The following SMTN variants were observed in gnomAD, a reference collection of about 807,000 sequenced individuals.
SMTN encodes the protein smoothelin.
Under a neutral mutation model 102.0 loss-of-function variants are expected in SMTN, and 58 were observed. That is an observed-to-expected ratio of 0.57 (90% CI 0.46 to 0.71). The LOEUF (loss-of-function observed/expected upper bound fraction) is 0.71, where lower values mean the gene tolerates loss of function less well. Ranked by LOEUF, SMTN falls within the 30% of genes least tolerant of loss-of-function variation. The pLI is 0.00. For synonymous variants in SMTN, 478 were observed against 497.9 expected, an observed-to-expected ratio of 0.96 and a Z score of 0.53; for missense variants, 1,185 against 1,241.7, an observed-to-expected ratio of 0.95 and a Z score of 0.69.
chr22:31,078,080 G>A (rs1219286447), upstream of SMTN, among the ~76,000 whole-genome samples: 1 of 152,230 alleles, frequency 6.6e-6, no homozygotes, highest in Non-Finnish European at 1.5e-5. Flanking sequence ...CCCGTCTCCA[G>A]AATGACAGTG....
rs990112172 is a variant in SMTN, at chr22:31,074,808, AAAC to A, written c.-385-5621_-385-5619del. 8.5e-3 allele frequency among the ~76,000 whole-genome samples: 820 copies of A among 97,004 alleles called. 9 individuals are homozygous for A. Among genetic ancestry groups the A allele is most frequent in the African/African-American group, 0.046 (787 of 17,060 alleles). 63.6% of individuals were successfully genotyped at this position (97,004 alleles called of 152,430 possible). ...GTGAAACTGTCTCAAAAAACAACAA[AAAC>A]AACAACAACAACAACAACAAAACAC... On this transcript the variant is annotated intron_variant, in intron 1 of 3. Coordinates refer to the SMTN transcript ENST00000422839.
chr22:31,073,472 C>T (rs888306785), intron 1 of SMTN, among the ~76,000 whole-genome samples: 1 of 152,146 alleles, frequency 6.6e-6, no homozygotes, highest in Non-Finnish European at 1.5e-5. Context: ...GGATGTGCCT[C>T]CTTTGATTTT....
At chr22:31,087,908 G>C in intron 2 of SMTN, 57 bp from the exon 3 acceptor site, 1 of 1,516,740 alleles carries the variant, frequency 6.6e-7, no homozygotes, top group Non-Finnish European at 8.9e-7. Flanking sequence ...GTGGGCAGCT[G>C]GTGCCAGCCC....
At chr22:31,090,269 T>C in intron 8 of SMTN, 89 bp downstream of exon 8, 1 of 1,089,174 alleles carries the variant, frequency 9.2e-7, no homozygotes, top group South Asian at 1.5e-5. Flanking sequence ...CTCTTGTGCC[T>C]GGCAGCTCTA....
At chr22:31,089,073 C>A in intron 6 of SMTN, 104 bp downstream of exon 6, 1 of 894,500 alleles carries the variant, frequency 1.1e-6, no homozygotes, top group South Asian at 1.6e-5. Context: ...GTAAGGGGCC[C>A]ACCCCTGCCA....
At chr22:31,073,274 C>T (rs961384045) in intron 1 of SMTN, among the ~76,000 whole-genome samples, 4 of 152,156 alleles carry the variant, frequency 2.6e-5, no homozygotes, top group Non-Finnish European at 5.9e-5. Flanking sequence ...CACGCATGCA[C>T]GCATGCACGC....
chr22:31,082,328 G>A, intron 1 of SMTN: 1 of 326,540 alleles, frequency 3.1e-6, no homozygotes, highest in South Asian at 2.5e-5. Flanking sequence ...ATTTTGATGG[G>A]CAGCACTGGG....
intron 11 of SMTN, chr22:31,093,790 G>A (rs776282111): frequency 7.5e-6 from 12 of 1,593,924 alleles, no homozygotes; most frequent in South Asian, 4.5e-5. Context: ...TCAGGCTGCC[G>A]AGGATGCCGG....
At chr22:31,074,721 C>G (rs141361837) in intron 1 of SMTN, among the ~76,000 whole-genome samples, 1 of 152,256 alleles carries the variant, frequency 6.6e-6, no homozygotes, top group African/African-American at 2.4e-5. Context: ...CGCTTGAACC[C>G]AGGAAGCGGA....
chr22:31,079,853 T>A (rs187433563), upstream of SMTN, among the ~76,000 whole-genome samples: 4 of 152,296 alleles, frequency 2.6e-5, no homozygotes, highest in Non-Finnish European at 5.9e-5. Flanking sequence ...AACCTCTGCC[T>A]CCAGGTTCAA....
At chr22:31,073,068 G>A (rs2042045354) in intron 1 of SMTN, among the ~76,000 whole-genome samples, 1 of 136,538 alleles carries the variant, frequency 7.3e-6, no homozygotes. Flanking sequence ...AGGCTAGAGT[G>A]CAATGGCATG....
chr22:31,070,923 CAAAAA>C (rs111579063), intron 1 of SMTN, among the ~76,000 whole-genome samples: 9 of 104,458 alleles, frequency 8.6e-5, no homozygotes, highest in Admixed American at 2.1e-4. Flanking sequence ...AACTCTGTCT[CAAAAA>C]AAAAAAAAAA....
chr22:31,099,684 G>C, intron 18 of SMTN, 61 bp from the exon 19 acceptor site: 1 of 1,580,366 alleles, frequency 6.3e-7, no homozygotes, highest in Admixed American at 1.7e-5. Context: ...AGAATGCTGA[G>C]GGGTAGACAG....
intron 16 of SMTN, among the ~76,000 whole-genome samples, chr22:31,097,715 G>A (rs5994373): frequency 2.1e-5 from 3 of 145,792 alleles, no homozygotes; most frequent in Admixed American, 6.8e-5. Flanking sequence ...AAAATAAATA[G>A]ATAAATAAAT....
intron 1 of SMTN, 136 bp downstream of exon 1, chr22:31,081,592 A>T (rs141915478): frequency 1.6e-4 from 24 of 152,308 alleles, no homozygotes; most frequent in African/African-American, 5.5e-4. Context: ...AAGCCATGGG[A>T]TAAAGTTATG....
intron 3 of SMTN, 87 bp downstream of exon 3, chr22:31,088,200 G>A (rs1405314892): frequency 1.4e-6 from 2 of 1,411,114 alleles, no homozygotes; most frequent in Admixed American, 4.7e-5. Flanking sequence ...GTGAGCACAA[G>A]TGTATCTGTG....
intron 16 of SMTN, 57 bp from the exon 17 acceptor site, chr22:31,098,610 C>T (rs898971672): frequency 3.8e-6 from 6 of 1,565,722 alleles, no homozygotes; most frequent in Admixed American, 1.8e-5. Flanking sequence ...GAGTGGTGGT[C>T]CAGGCTGGGG....
rs758053301 is a variant in SMTN, at chr22:31,088,005, G to A, written c.92G>A (p.Arg31His). 31 of 1,609,542 alleles carry A rather than the reference G, an allele frequency of 1.9e-5. No individual in the cohort carries two copies. Among genetic ancestry groups the A allele is most frequent in the South Asian group, 7.7e-5 (7 of 90,978 alleles). The change falls in exon 3 of 21, where the codon CGC (arginine) becomes CAC (histidine). Residue 31 changes from arginine to histidine, a missense_variant. Physicochemically the swap from Arg to His is conservative, Grantham distance 29 (BLOSUM62 0). This residue lies in a region of SMTN where 1,096 missense variants were observed against 1,112.7 expected (regional missense o/e 0.98). Coordinates refer to ENST00000333137, the MANE Select transcript of SMTN (RefSeq NM_134269.3). Reference sequence around the variant, plus strand: ...GATCTGGCAGAGCGGCGGCGCATCCGCTCAGCCATCCGGGAACTGCAGCGG... The same window carrying A: ...GATCTGGCAGAGCGGCGGCGCATCCACTCAGCCATCCGGGAACTGCAGCGG... ...TADLAERRRI[R>H]SAIRELQRQE...
chr22:31,090,054 G>T (rs1260885729), intron 7 of SMTN, 35 bp downstream of exon 7: 2 of 1,610,770 alleles, frequency 1.2e-6, no homozygotes, highest in Non-Finnish European at 1.7e-6. Context: ...TGCCAGGCAA[G>T]TGAGCAGGTC....
Sources: gnomAD v4.1 joint callset for allele counts (sites outside exome capture counted in the v4.1 genomes callset) on GRCh38, gnomAD v4.1.1 for gene constraint, gnomAD v4.1.1 regional missense constraint, MANE v1.5 for transcripts, NCBI Gene and HGNC (gene_info 2026-07-23, HGNC 2026-07-21) for gene names.